The following SORCS1 variants were observed in gnomAD, a reference collection of about 807,000 sequenced individuals.
SORCS1 encodes the protein VPS10 domain-containing receptor SorCS1.
SORCS1 carries 60 observed loss-of-function variants against 146.1 expected under a neutral mutation model. The ratio of observed to expected loss-of-function variants is 0.41; its 90% CI spans 0.33 to 0.51. The LOEUF is 0.51. SORCS1 is among the 20% of genes least tolerant of loss of function. The probability of loss-of-function intolerance (pLI) is 0.21; values close to 1 mark genes in which losing one functional copy is unlikely to be tolerated. For synonymous variants in SORCS1, 637 were observed against 584.0 expected, an observed-to-expected ratio of 1.09 and a Z score of -1.31; for missense variants, 1,352 against 1,487.6, an observed-to-expected ratio of 0.91 and a Z score of 1.50.
At chr10:106,990,901 T>C (rs1477563371) in intron 1 of SORCS1, among the ~76,000 whole-genome samples, 2 of 98,582 alleles carry the variant, frequency 2.0e-5, no homozygotes, top group Non-Finnish European at 4.0e-5. Context: ...ACACTACTCT[T>C]TTGCAAAATG....
At chr10:107,161,883 G>A (rs975969045) in intron 1 of SORCS1, among the ~76,000 whole-genome samples, 6 of 152,280 alleles carry the variant, frequency 3.9e-5, no homozygotes, top group Non-Finnish European at 8.8e-5. Flanking sequence ...GATGACCAGA[G>A]CAGAGACTGG....
At chr10:107,154,154 G>A (rs1969078871) in intron 1 of SORCS1, among the ~76,000 whole-genome samples, 1 of 151,718 alleles carries the variant, frequency 6.6e-6, no homozygotes. Context: ...TGGGACTACA[G>A]ACACCCACTT....
intron 18 of SORCS1, among the ~76,000 whole-genome samples, chr10:106,644,021 T>A (rs1177149779): frequency 6.6e-6 from 1 of 152,198 alleles, no homozygotes; most frequent in Non-Finnish European, 1.5e-5. Flanking sequence ...GGAAGAGAAC[T>A]TTCACATTCA....
intron 18 of SORCS1, among the ~76,000 whole-genome samples, chr10:106,639,214 T>A (rs776413590): frequency 6.6e-6 from 1 of 152,192 alleles, no homozygotes; most frequent in African/African-American, 2.4e-5. Context: ...GAGGATTGCA[T>A]GGTGTGGTGA....
intron 19 of SORCS1, among the ~76,000 whole-genome samples, chr10:106,621,076 G>C (rs1292115549): frequency 6.6e-6 from 1 of 152,176 alleles, no homozygotes. Context: ...TGTCTAGTTA[G>C]GTAAGCATGG....
At chr10:106,906,277 G>T (rs915292077) in intron 2 of SORCS1, among the ~76,000 whole-genome samples, 5 of 152,150 alleles carry the variant, frequency 3.3e-5, no homozygotes, top group Non-Finnish European at 7.3e-5. Flanking sequence ...ACCACGCCTG[G>T]CTAATTTTTG....
chr10:106,611,772 G>A (rs1847005496), intron 22 of SORCS1, 139 bp downstream of exon 22: 2 of 677,806 alleles, frequency 3.0e-6, no homozygotes, highest in Non-Finnish European at 2.6e-6. Flanking sequence ...CAGACATCAG[G>A]CCAGAACTTC....
intron 2 of SORCS1, among the ~76,000 whole-genome samples, chr10:106,891,501 A>ATTTTTTTT (rs562213104): frequency 6.8e-5 from 5 of 74,064 alleles, no homozygotes; most frequent in African/African-American, 3.0e-4. Flanking sequence ...TTCAATGGGA[A>ATTTTTTTT]TTCTTTTTTT....
At chr10:106,636,664 C>A (rs79741203) in intron 18 of SORCS1, among the ~76,000 whole-genome samples, 1 of 152,154 alleles carries the variant, frequency 6.6e-6, no homozygotes, top group East Asian at 1.9e-4. Flanking sequence ...AATCACCTCC[C>A]ACCAGGTCCT....
Position 106,813,797 on chromosome 10 carries a change from G to T in SORCS1, c.726+15777C>A, listed in dbSNP as rs146104382. ...AAAAAAAATGTTTTTAAATTAGCTG[G>T]CAGAGGGGACAGTGGGCGGTGTCAT... On this transcript the variant is annotated intron_variant, in intron 3 of 25. Coordinates refer to ENST00000263054, the MANE Select transcript of SORCS1 (RefSeq NM_052918.5). 1.2e-3 allele frequency among the ~76,000 whole-genome samples: 180 copies of T among 152,136 alleles called. 2 individuals carry two copies. The highest frequency in any genetic ancestry group is 4.2e-3 in the African/African-American group (173 of 41,522).
rs769072112 is a variant in SORCS1, at chr10:106,891,384, C to A, written c.627-61711G>T. Among the ~76,000 whole-genome samples the A allele has an allele frequency of 5.4e-4, 82 of 152,070 alleles. 2 individuals are homozygous for A. Among genetic ancestry groups the A allele is most frequent in the Non-Finnish European group, 7.8e-4 (53 of 67,998 alleles). On this transcript the variant is annotated intron_variant, in intron 2 of 25. Coordinates refer to ENST00000263054, the MANE Select transcript of SORCS1 (RefSeq NM_052918.5). ...AGAGTGATCAGAATCAATGAAAATA[C>A]CCCTTGTACAGTGAGTATTGAGTAG...
intron 1 of SORCS1, among the ~76,000 whole-genome samples, chr10:106,990,921 A>G (rs1208213152): frequency 3.4e-3 from 25 of 7,252 alleles, no homozygotes; most frequent in Admixed American, 0.015. Context: ...GAATGATTTT[A>G]AATTTGTGAT....
chr10:107,128,223 G>GA (rs1199833944), intron 1 of SORCS1, among the ~76,000 whole-genome samples: 1 of 152,020 alleles, frequency 6.6e-6, no homozygotes, highest in African/African-American at 2.4e-5. Context: ...CCTTCTTCCA[G>GA]AAAAAAATAA....
intron 5 of SORCS1, among the ~76,000 whole-genome samples, chr10:106,750,321 T>C (rs1342305789): frequency 6.6e-6 from 1 of 152,060 alleles, no homozygotes; most frequent in East Asian, 1.9e-4. Flanking sequence ...ATCACAGGAA[T>C]CAGTGATGGC....
intron 18 of SORCS1, among the ~76,000 whole-genome samples, chr10:106,630,481 G>A (rs1292787412): frequency 3.3e-5 from 5 of 152,098 alleles, no homozygotes; most frequent in Admixed American, 3.3e-4. Flanking sequence ...TGCACTTCCA[G>A]GTCATTCATT....
intron 18 of SORCS1, among the ~76,000 whole-genome samples, chr10:106,645,032 C>T (rs937169285): frequency 1.1e-4 from 16 of 152,068 alleles, no homozygotes; most frequent in African/African-American, 3.9e-4. Context: ...TCAGCTAGAG[C>T]AGTTAATGTC....
At chr10:106,743,684 T>G (rs1424118110) in intron 5 of SORCS1, among the ~76,000 whole-genome samples, 1 of 152,046 alleles carries the variant, frequency 6.6e-6, no homozygotes, top group African/African-American at 2.4e-5. Context: ...CTTGGCCTCC[T>G]AAAGTGCTGG....
intron 1 of SORCS1, among the ~76,000 whole-genome samples, chr10:107,053,653 C>T (rs905580358): frequency 2.6e-5 from 4 of 152,082 alleles, no homozygotes; most frequent in Non-Finnish European, 5.9e-5. Context: ...TCACTGAAAA[C>T]GCTTGCAAAA....
chr10:106,801,095 T>G (rs951937095), intron 3 of SORCS1, among the ~76,000 whole-genome samples: 10 of 152,230 alleles, frequency 6.6e-5, no homozygotes, highest in Non-Finnish European at 1.3e-4. Flanking sequence ...AATCAATGTC[T>G]GATGATTGAA....
Sources: gnomAD v4.1 joint callset for allele counts (sites outside exome capture counted in the v4.1 genomes callset) on GRCh38, gnomAD v4.1.1 for gene constraint, MANE v1.5 for transcripts, NCBI Gene and HGNC (gene_info 2026-07-23, HGNC 2026-07-21) for gene names.